The following ZNF385D variants were observed in gnomAD, a reference collection of about 807,000 sequenced individuals.
The protein encoded by ZNF385D is zinc finger protein 385D.
ZNF385D carries 15 observed loss-of-function variants against 35.8 expected under a neutral mutation model. The ratio of observed to expected loss-of-function variants is 0.42; its 90% CI spans 0.28 to 0.64. ZNF385D has a LOEUF of 0.64. Among genes scored for constraint, ZNF385D ranks in the 30% least tolerant of loss-of-function variants. The probability of loss-of-function intolerance (pLI) is 0.23; values close to 1 mark genes in which losing one functional copy is unlikely to be tolerated. For missense variants in ZNF385D, 474 were observed against 494.6 expected, an observed-to-expected ratio of 0.96 and a Z score of 0.39; for synonymous variants, 212 against 186.8, an observed-to-expected ratio of 1.13 and a Z score of -1.10.
At chr3:21,916,079 CCTT>C (rs898414859) in intron 3 of ZNF385D, among the ~76,000 whole-genome samples, 9 of 152,034 alleles carry the variant, frequency 5.9e-5, no homozygotes, top group African/African-American at 1.4e-4. Context: ...AAAAAGGACT[CCTT>C]CTTAAATGTT....
chr3:22,308,516 G>A (rs1703359082), intron 2 of ZNF385D, among the ~76,000 whole-genome samples: 1 of 151,968 alleles, frequency 6.6e-6, no homozygotes, highest in East Asian at 1.9e-4. Flanking sequence ...GATTCCCAGG[G>A]AATGAAAAAG....
intron 3 of ZNF385D, among the ~76,000 whole-genome samples, chr3:22,034,190 T>C (rs999844025): frequency 6.6e-6 from 1 of 152,140 alleles, no homozygotes; most frequent in Non-Finnish European, 1.5e-5. Context: ...CTTTGGGAGA[T>C]TAGAATTAGA....
chr3:22,372,422 G>A (rs888354026), intron 2 of ZNF385D: 52 of 982,854 alleles, frequency 5.3e-5, no homozygotes, highest in Admixed American at 4.3e-4. Flanking sequence ...CACCTGAACC[G>A]AGACACCTCT....
intron 3 of ZNF385D, among the ~76,000 whole-genome samples, chr3:21,905,759 A>T (rs1005175031): frequency 2.0e-5 from 3 of 151,972 alleles, no homozygotes; most frequent in Non-Finnish European, 4.4e-5. Flanking sequence ...CAAACAAAAT[A>T]AAGTTACTTG....
intron 2 of ZNF385D, among the ~76,000 whole-genome samples, chr3:22,207,719 A>G (rs1258441224): frequency 5.3e-5 from 8 of 152,042 alleles, no homozygotes; most frequent in Admixed American, 3.9e-4. Flanking sequence ...ACCAGAATAT[A>G]TAAAGAGCTC....
chr3:22,226,137 AG>A (rs1016218549), intron 2 of ZNF385D, among the ~76,000 whole-genome samples: 2 of 152,160 alleles, frequency 1.3e-5, no homozygotes, highest in African/African-American at 2.4e-5. Context: ...AAAAAAAAAA[AG>A]TTAGCTAAGT....
chr3:21,777,996 G>C (rs1169640205), intron 3 of ZNF385D, among the ~76,000 whole-genome samples: 1 of 151,894 alleles, frequency 6.6e-6, no homozygotes, highest in Non-Finnish European at 1.5e-5. Context: ...ATGATATGCA[G>C]TGTGTCTCCA....
At chr3:21,464,492 G>A (rs1021952203) in intron 4 of ZNF385D, among the ~76,000 whole-genome samples, 40 of 151,810 alleles carry the variant, frequency 2.6e-4, no homozygotes, top group African/African-American at 9.2e-4. Flanking sequence ...TATACACACA[G>A]AGAACCTCAG....
intron 3 of ZNF385D, among the ~76,000 whole-genome samples, chr3:21,919,087 G>A (rs978960707): frequency 6.6e-6 from 1 of 152,174 alleles, no homozygotes; most frequent in Non-Finnish European, 1.5e-5. Flanking sequence ...TGTTTGAAGA[G>A]TTGTCTCTTG....
At chr3:22,147,323 G>A (rs1228317333) in intron 3 of ZNF385D, among the ~76,000 whole-genome samples, 4 of 152,084 alleles carry the variant, frequency 2.6e-5, no homozygotes, top group Non-Finnish European at 4.4e-5. Context: ...CAGTTCCAAC[G>A]GTAGGCATGG....
rs539325180 is a variant in ZNF385D, at chr3:21,414,348, C to T, written c.*6866G>A. 6.6e-6 allele frequency: 1 copy of T among 152,138 alleles called. No homozygotes were observed. The highest frequency in any genetic ancestry group is 1.9e-4 in the East Asian group (1 of 5,178). The allele number at this position is 152,138 out of a possible 1,614,324, so 9.4% of individuals were successfully genotyped here. On this transcript the variant is annotated 3_prime_UTR_variant, in exon 8 of 8. Transcript: ENST00000281523. Reference sequence around the variant, plus strand: ...TGTTCTTTGCATATAGCTCCATGTGCAGATTAAAAACTATATTTTTAAAAA... The same window carrying T: ...TGTTCTTTGCATATAGCTCCATGTGTAGATTAAAAACTATATTTTTAAAAA...
At chr3:22,009,622 CA>C (rs34997150) in intron 3 of ZNF385D, among the ~76,000 whole-genome samples, 25 of 48,350 alleles carry the variant, frequency 5.2e-4, no homozygotes, top group African/African-American at 7.2e-4. Context: ...GACTCTGTCT[CA>C]AAAAAAAAAA....
intron 2 of ZNF385D, among the ~76,000 whole-genome samples, chr3:21,581,644 A>G (rs1395999569): frequency 6.6e-6 from 1 of 152,224 alleles, no homozygotes; most frequent in African/African-American, 2.4e-5. Context: ...GGTTGAAGCC[A>G]CATTGTTCAA....
intron 2 of ZNF385D, among the ~76,000 whole-genome samples, chr3:22,361,771 C>A (rs1696418766): frequency 6.6e-6 from 1 of 151,960 alleles, no homozygotes. Context: ...TTGCCACCCA[C>A]AAATTACTTG....
At chr3:21,901,165 G>T (rs1344672662) in intron 3 of ZNF385D, among the ~76,000 whole-genome samples, 1 of 152,124 alleles carries the variant, frequency 6.6e-6, no homozygotes, top group Non-Finnish European at 1.5e-5. Context: ...ATTTATAGAT[G>T]ATAAAATTAA....
intron 2 of ZNF385D, among the ~76,000 whole-genome samples, chr3:22,316,872 C>G (rs1301468585): frequency 3.9e-5 from 6 of 152,054 alleles, no homozygotes; most frequent in Non-Finnish European, 7.4e-5. Context: ...TAGAAGCTGC[C>G]TCAAAATCAA....
At chr3:22,290,630 C>T (rs1042508601) in intron 2 of ZNF385D, among the ~76,000 whole-genome samples, 4 of 152,146 alleles carry the variant, frequency 2.6e-5, no homozygotes, top group African/African-American at 7.2e-5. Context: ...TGCCATGTTT[C>T]TGAGGGGCCT....
chr3:21,465,467 A>G lies in ZNF385D; in HGVS notation c.440-28264T>C, dbSNP rs888088299. On this transcript the variant is annotated intron_variant, in intron 4 of 7. Transcript: ENST00000281523. The surrounding 1 kb of genome is among the most constrained non-coding windows in gnomAD (Gnocchi z 4.2). ...GGCCACAGCCTCTCATCACCTGGCC[A>G]GAGTAGGTAACATGAGACAAACCAT... Among the ~76,000 whole-genome samples the G allele has an allele frequency of 2.0e-5, 3 of 152,222 alleles. No homozygotes were observed. Among genetic ancestry groups the G allele is most frequent in the African/African-American group, 7.2e-5 (3 of 41,468 alleles).
chr3:21,650,760 T>C (rs2065886695), intron 2 of ZNF385D, among the ~76,000 whole-genome samples: 1 of 152,054 alleles, frequency 6.6e-6, no homozygotes, highest in Non-Finnish European at 1.5e-5. Context: ...AACACAAGCA[T>C]TGAGATTTTC....
Sources: gnomAD v4.1 joint callset for allele counts (sites outside exome capture counted in the v4.1 genomes callset) on GRCh38, gnomAD v4.1.1 for gene constraint, Gnocchi (gnomAD v3.1) non-coding constraint, MANE v1.5 for transcripts, NCBI Gene and HGNC (gene_info 2026-07-23, HGNC 2026-07-21) for gene names.